The following BTK variants were observed in gnomAD, a reference collection of about 807,000 sequenced individuals.
The protein encoded by BTK is Bruton tyrosine kinase.
Under a neutral mutation model 57.4 loss-of-function variants are expected in BTK, and 5 were observed. That is an observed-to-expected ratio of 0.09 (90% CI 0.05 to 0.18). The LOEUF is 0.18. Ranked by LOEUF, BTK falls within the 10% of genes least tolerant of loss-of-function variation. BTK has a pLI of 1.00. For synonymous variants in BTK, 154 were observed against 174.3 expected, an observed-to-expected ratio of 0.88 and a Z score of 0.92; for missense variants, 194 against 501.2, an observed-to-expected ratio of 0.39 and a Z score of 5.85.
chrX:101,364,421 A>G (rs1290036690), intron 5 of BTK, among the ~76,000 whole-genome samples: 7 of 88,271 alleles, frequency 7.9e-5, no homozygotes. Context: ...AAAAAAAAAA[A>G]AAAGAAAAGA....
intron 1 of BTK, among the ~76,000 whole-genome samples, chrX:101,382,052 A>G (rs925669343): frequency 4.6e-5 from 5 of 108,898 alleles, no homozygotes; most frequent in Non-Finnish European, 3.8e-5. Flanking sequence ...AAAAAGAAAA[A>G]AGAAAAAAAA....
intron 18 of BTK, among the ~76,000 whole-genome samples, chrX:101,351,865 T>TA (rs1337497718): frequency 9.0e-6 from 1 of 111,510 alleles, no homozygotes; most frequent in African/African-American, 3.3e-5. Flanking sequence ...CAGTAGGTTT[T>TA]AAAAAAAATC....
intron 5 of BTK, among the ~76,000 whole-genome samples, chrX:101,367,637 A>AAAAT (rs60295371): frequency 0.011 from 1,104 of 102,200 alleles, 9 homozygotes; most frequent in East Asian, 0.016. Flanking sequence ...ACTCCATCTC[A>AAAAT]AAATAAATAA....
At chrX:101,366,340 A>G (rs1238662891) in intron 5 of BTK, among the ~76,000 whole-genome samples, 1 of 111,694 alleles carries the variant, frequency 9.0e-6, no homozygotes, top group East Asian at 2.8e-4. Context: ...CACAGATTTA[A>G]TGTGTACAGC....
rs141590686 is a variant in BTK, at chrX:101,360,624, T to C, written c.720A>G (p.Glu240=). 1.7e-6 allele frequency: 2 copies of C among 1,211,716 alleles called. No homozygotes were observed. The highest frequency in any genetic ancestry group is 1.7e-5 in the African/African-American group (1 of 57,762). Residue 240 remains glutamate (E), a synonymous_variant, in exon 8 of 19, where the codon GAA becomes GAG. Transcript: ENST00000308731. ...AGTTGCTTTCCTCCAAGATAAAATA[T>C]TCATCACCCTTCCGCAGCTGTAGAT... ...ANDLQLRKGD[E]YFILEESNLP...
rs2147432953 is a variant in BTK, at chrX:101,360,687, A to G, written c.657T>C (p.Val219=). Residue 219 remains valine (V), a synonymous_variant, in exon 8 of 19, where the codon GTT becomes GTC. Transcript: ENST00000308731. ...TTGGCATGTAATCATAAAGGGCCAC[A>G]ACCTTTTTCAGCTCACTTGTGGAGA... ...APVSTSELKK[V]VALYDYMPMN... 1 of 1,211,510 alleles carries G rather than the reference A, an allele frequency of 8.3e-7. No homozygotes were observed. Among genetic ancestry groups the G allele is most frequent in the Non-Finnish European group, 1.1e-6 (1 of 895,423 alleles).
At chrX:101,362,018 A>T (rs1255096389) in intron 7 of BTK, among the ~76,000 whole-genome samples, 155 bp downstream of exon 7, 1 of 112,860 alleles carries the variant, frequency 8.9e-6, no homozygotes, top group Non-Finnish European at 1.9e-5. Context: ...TCCATCGAGG[A>T]GGAAATCCTA....
At chrX:101,359,679 C>T (rs1404504173) in intron 9 of BTK, among the ~76,000 whole-genome samples, 2 of 109,450 alleles carry the variant, frequency 1.8e-5, no homozygotes, top group African/African-American at 3.3e-5. Context: ...TTCATCAGGT[C>T]GTCAACTCCT....
At chrX:101,386,220 C>T (rs987849704), upstream of BTK, 2 of 111,418 alleles carry the variant, frequency 1.8e-5, no homozygotes, top group Non-Finnish European at 3.8e-5. Context: ...CACAGCCACT[C>T]AGTTCCCTTT....
chrX:101,362,372 G>T (rs1297691342), intron 6 of BTK, 132 bp from the exon 7 acceptor site: 4 of 978,950 alleles, frequency 4.1e-6, no homozygotes, highest in Non-Finnish European at 5.8e-6. Flanking sequence ...AGGCATGCCA[G>T]GTCACATAGC....
At chrX:101,363,348 A>G in intron 5 of BTK, among the ~76,000 whole-genome samples, 1 of 112,242 alleles carries the variant, frequency 8.9e-6, no homozygotes, top group Non-Finnish European at 1.9e-5. Context: ...TTTGCAAAGA[A>G]TAGAGTGGAT....
At chrX:101,355,974 A>G in intron 15 of BTK, 78 bp downstream of exon 15, 1 of 1,026,081 alleles carries the variant, frequency 9.7e-7, no homozygotes, top group Non-Finnish European at 1.4e-6. Context: ...GCCCCCCTCA[A>G]CCATGTATGA....
At position 101,356,625 on chromosome X, in the gene BTK, T is replaced by C. The variant is rs547414376; in HGVS notation, c.1349+159A>G. On this transcript the variant is annotated intron_variant, in intron 14 of 18. Coordinates refer to ENST00000308731, the MANE Select transcript of BTK (RefSeq NM_000061.3). ...ACCAATATCTAAGGCACAGAAACTA[T>C]TATCTTAGCACTTAGGACTACCGCC... The C allele has an allele frequency of 2.4e-5, 14 of 588,855 alleles. No homozygotes were observed. In the South Asian group the frequency reaches 3.7e-4, roughly 15 times the overall value. The allele number at this position is 588,855 out of a possible 1,213,427, so 48.5% of individuals were successfully genotyped here. A position where few individuals can be genotyped will look rare whatever the true frequency, so the allele number is the denominator to read the frequency against.
chrX:101,352,714 C>T (rs906019839), intron 18 of BTK, among the ~76,000 whole-genome samples: 1 of 111,315 alleles, frequency 9.0e-6, no homozygotes, highest in Non-Finnish European at 1.9e-5. Flanking sequence ...GCCTGGCCAA[C>T]ATGGTGAAAT....
At chrX:101,361,088 T>A (rs782061030) in intron 7 of BTK, among the ~76,000 whole-genome samples, 4 of 110,021 alleles carry the variant, frequency 3.6e-5, no homozygotes, top group Non-Finnish European at 5.7e-5. Context: ...TGGTAGTGTG[T>A]GCATATAGCC....
chrX:101,373,633 T>G (rs1254050394), intron 3 of BTK, among the ~76,000 whole-genome samples: 1 of 112,334 alleles, frequency 8.9e-6, no homozygotes, highest in Non-Finnish European at 1.9e-5. Context: ...ACCAATATGT[T>G]GATAGTTGTT....
chrX:101,362,376 A>G, intron 6 of BTK, 136 bp from the exon 7 acceptor site: 1 of 978,411 alleles, frequency 1.0e-6, no homozygotes, highest in Admixed American at 2.2e-5. Flanking sequence ...ATGCCAGGTC[A>G]CATAGCTTGG....
intron 15 of BTK, among the ~76,000 whole-genome samples, chrX:101,355,275 TCAAAACAAAA>T (rs781783090): frequency 7.1e-5 from 8 of 111,931 alleles, no homozygotes; most frequent in Non-Finnish European, 1.3e-4. Context: ...AGACTCCATC[TCAAAACAAAA>T]CAAAACAAAA....
Position 101,356,444 on chromosome X carries a change from G to A in BTK, c.1350-176C>T, listed in dbSNP as rs3027643. On this transcript the variant is annotated intron_variant, in intron 14 of 18. Transcript: ENST00000308731. Reference sequence around the variant, plus strand: ...AAAAGTGCTTAAAATGTGGAAGCAAGCAGGGATTTGGAGCCCATCAATTGA... The same window carrying A: ...AAAAGTGCTTAAAATGTGGAAGCAAACAGGGATTTGGAGCCCATCAATTGA... The A allele has an allele frequency of 0.049, 22,753 of 466,592 alleles. 1,384 individuals are homozygous for A. Among genetic ancestry groups the A allele is most frequent in the African/African-American group, 0.22 (8,849 of 40,807 alleles). The allele number at this position is 466,592 out of a possible 1,213,427, so 38.5% of individuals were successfully genotyped here.
Sources: allele counts gnomAD v4.1 joint callset (sites outside exome capture counted in the v4.1 genomes callset), GRCh38; gene constraint gnomAD v4.1.1; transcripts MANE v1.5; gene names NCBI Gene and HGNC (gene_info 2026-07-23, HGNC 2026-07-21).